RASGEF1C: variants seen among roughly 807,000 people sequenced by gnomAD.
RASGEF1C encodes RasGEF domain family member 1C.
RASGEF1C carries 27 observed loss-of-function variants against 58.1 expected under a neutral mutation model. The ratio of observed to expected loss-of-function variants is 0.46; its 90% CI spans 0.34 to 0.64. RASGEF1C has a LOEUF of 0.64. Ranked by LOEUF, RASGEF1C falls within the 30% of genes least tolerant of loss-of-function variation. The probability of loss-of-function intolerance (pLI) is 0.01; values close to 1 mark genes in which losing one functional copy is unlikely to be tolerated. For synonymous variants in RASGEF1C, 243 were observed against 246.3 expected, an observed-to-expected ratio of 0.99 and a Z score of 0.13; for missense variants, 502 against 605.1, an observed-to-expected ratio of 0.83 and a Z score of 1.79.
intron 3 of RASGEF1C, 169 bp from the exon 4 acceptor site, chr5:180,136,684 GA>G: frequency 1.5e-6 from 1 of 660,766 alleles, no homozygotes; most frequent in Non-Finnish European, 2.5e-6. Context: ...ACGGGGAGAG[GA>G]GGGGGGACGG....
chr5:180,108,929 C>G (rs948891138), intron 12 of RASGEF1C, among the ~76,000 whole-genome samples: 6 of 152,204 alleles, frequency 3.9e-5, no homozygotes, highest in Admixed American at 3.3e-4. Flanking sequence ...ATGCCCCTCT[C>G]TAACGGGGCT....
intron 12 of RASGEF1C, among the ~76,000 whole-genome samples, chr5:180,109,898 G>A (rs1053907187): frequency 2.3e-4 from 35 of 150,804 alleles, no homozygotes; most frequent in African/African-American, 8.4e-4. Flanking sequence ...CTCCAGAAGT[G>A]TATAAGGAAA....
intron 1 of RASGEF1C, among the ~76,000 whole-genome samples, chr5:180,170,976 C>T (rs1246820308): frequency 1.3e-5 from 2 of 152,202 alleles, no homozygotes; most frequent in African/African-American, 4.8e-5. Flanking sequence ...GTCAGCGCTG[C>T]TGCTCCAAAC....
At chr5:180,118,997 G>A (rs1332932279) in intron 8 of RASGEF1C, 131 bp from the exon 9 acceptor site, 4 of 810,050 alleles carry the variant, frequency 4.9e-6, no homozygotes, top group Non-Finnish European at 6.2e-6. Context: ...TGGTGGGTGG[G>A]TGAGGGGGTG....
At chr5:180,197,000 T>C (rs1756290792) in intron 1 of RASGEF1C, among the ~76,000 whole-genome samples, 1 of 152,172 alleles carries the variant, frequency 6.6e-6, no homozygotes, top group Admixed American at 6.5e-5. Context: ...CCCCAGAATG[T>C]GGAGCTGGGT....
rs1767250790 is a variant in RASGEF1C at position 180,177,529 on chromosome 5, C to T, written c.-7+31499G>A. Among the ~76,000 whole-genome samples the T allele has an allele frequency of 6.6e-6, 1 of 152,248 alleles. No homozygotes were observed. Among genetic ancestry groups the T allele is most frequent in the South Asian group, 2.1e-4 (1 of 4,830 alleles). ...CTGCTGCAGCTGTCCAAGGCCATGGCCTCTGCGGCTTCTGCCTGGCCAGCA... is the reference window on the plus strand; with the variant it reads ...CTGCTGCAGCTGTCCAAGGCCATGGTCTCTGCGGCTTCTGCCTGGCCAGCA... On this transcript the variant is annotated intron_variant, in intron 1 of 13. Coordinates refer to ENST00000361132, the MANE Select transcript of RASGEF1C (RefSeq NM_175062.4). This position sits in a 1 kb window ranked among gnomAD's most constrained non-coding sequence, Gnocchi z 5.0.
At chr5:180,187,294 C>G (rs185412338) in intron 1 of RASGEF1C, among the ~76,000 whole-genome samples, 2 of 152,088 alleles carry the variant, frequency 1.3e-5, no homozygotes, top group East Asian at 3.9e-4. Context: ...CCTATATATA[C>G]GAGCTAAAAC....
At chr5:180,104,947 C>T (rs374285045) in intron 12 of RASGEF1C, among the ~76,000 whole-genome samples, 2 of 152,174 alleles carry the variant, frequency 1.3e-5, no homozygotes, top group East Asian at 3.9e-4. Flanking sequence ...ACAGTAGTCC[C>T]CTATTATCTG....
intron 8 of RASGEF1C, 48 bp from the exon 9 acceptor site, chr5:180,118,914 G>A (rs1416470397): frequency 1.9e-5 from 30 of 1,560,298 alleles, no homozygotes; most frequent in Admixed American, 3.3e-5. Context: ...GGACAGGGGG[G>A]CCTCTGCGTA....
chr5:180,159,034 CT>C (rs1390100226), intron 1 of RASGEF1C, among the ~76,000 whole-genome samples: 95 of 150,306 alleles, frequency 6.3e-4, no homozygotes, highest in Admixed American at 3.8e-3. Context: ...TCTATGAGGT[CT>C]TTTTTTTTGT....
chr5:180,115,480 T>G, intron 10 of RASGEF1C: 1 of 230,854 alleles, frequency 4.3e-6, no homozygotes, highest in South Asian at 5.1e-5. Flanking sequence ...TCTTCACTCC[T>G]GACCTCATTG....
intron 7 of RASGEF1C, among the ~76,000 whole-genome samples, chr5:180,120,458 C>T (rs893796520): frequency 6.6e-6 from 1 of 151,918 alleles, no homozygotes; most frequent in African/African-American, 2.4e-5. Flanking sequence ...CCAGCGCTGC[C>T]TCCAGCCTGG....
chr5:180,119,649 C>T (rs990517031), intron 7 of RASGEF1C, among the ~76,000 whole-genome samples: 7 of 152,142 alleles, frequency 4.6e-5, no homozygotes, highest in African/African-American at 9.7e-5. Flanking sequence ...TAGGTGGGCC[C>T]GGTGGGGGCA....
chr5:180,152,163 A>G (rs1386281704), intron 1 of RASGEF1C, among the ~76,000 whole-genome samples: 1 of 152,062 alleles, frequency 6.6e-6, no homozygotes, highest in Non-Finnish European at 1.5e-5. Context: ...CAGTGTGGCG[A>G]TCCCTCAGGG....
At chr5:180,182,010 T>A (rs112482374) in intron 1 of RASGEF1C, among the ~76,000 whole-genome samples, 4 of 151,392 alleles carry the variant, frequency 2.6e-5, no homozygotes, top group Non-Finnish European at 5.9e-5. Context: ...GAGACCATCC[T>A]GGCTAACACG....
intron 1 of RASGEF1C, among the ~76,000 whole-genome samples, chr5:180,140,122 G>T (rs1411589642): frequency 1.3e-5 from 2 of 152,184 alleles, no homozygotes; most frequent in Admixed American, 1.3e-4. Flanking sequence ...CACATGGGAG[G>T]TGGGAGCAGT....
At chr5:180,175,980 T>A (rs1312654458) in intron 1 of RASGEF1C, among the ~76,000 whole-genome samples, 1 of 152,204 alleles carries the variant, frequency 6.6e-6, no homozygotes, top group African/African-American at 2.4e-5. Flanking sequence ...AGAGCGGGAC[T>A]CCGTCTCGAA....
intron 3 of RASGEF1C, 55 bp from the exon 4 acceptor site, chr5:180,136,570 G>A: frequency 6.6e-7 from 1 of 1,523,984 alleles, no homozygotes; most frequent in Non-Finnish European, 8.8e-7. Flanking sequence ...GGGCACGTGA[G>A]CCTCACTGCG....
chr5:180,151,656 A>C (rs112665303), intron 1 of RASGEF1C, among the ~76,000 whole-genome samples: 39 of 151,588 alleles, frequency 2.6e-4, no homozygotes, highest in Non-Finnish European at 4.4e-4. Flanking sequence ...ACATAGGCAT[A>C]GGCAAGGACT....
Sources: gnomAD v4.1 joint callset for allele counts (sites outside exome capture counted in the v4.1 genomes callset) on GRCh38, gnomAD v4.1.1 for gene constraint, Gnocchi (gnomAD v3.1) non-coding constraint, MANE v1.5 for transcripts, NCBI Gene and HGNC (gene_info 2026-07-23, HGNC 2026-07-21) for gene names.